Variants in CCDC125 observed in about 807,000 individuals in gnomAD.
CCDC125 encodes coiled-coil domain-containing protein 125.
A neutral mutation model predicts 57.4 loss-of-function variants in CCDC125; 43 were observed. That is an observed-to-expected ratio of 0.75 (90% confidence interval 0.59 to 0.97). The LOEUF is 0.97. Ranked by LOEUF, CCDC125 falls within the 50% of genes least tolerant of loss-of-function variation. The pLI is 0.00. For missense variants in CCDC125, 563 were observed against 595.7 expected (o/e 0.95, Z 0.57); for synonymous variants, 187 against 195.2 (o/e 0.96, Z 0.35).
At chr5:69,302,733 A>C (rs1756690740) in intron 7 of CCDC125, among the ~76,000 whole-genome samples, 1 of 152,126 alleles carries the variant, frequency 6.6e-6, no homozygotes, top group Non-Finnish European at 1.5e-5. Flanking sequence ...CAAAAAAAAA[A>C]AAAGTTAACA....
intron 1 of CCDC125, among the ~76,000 whole-genome samples, chr5:69,325,325 C>CA (rs10689123): frequency 0.41 from 44,443 of 107,708 alleles, 8,941 homozygotes; most frequent in Non-Finnish European, 0.52. Flanking sequence ...GATTCTGTCT[C>CA]AAAAAAAAAA....
intron 3 of CCDC125, among the ~76,000 whole-genome samples, chr5:69,311,409 G>A (rs1758118552): frequency 6.6e-6 from 1 of 152,126 alleles, no homozygotes; most frequent in Admixed American, 6.6e-5. Flanking sequence ...CCTGCATTTT[G>A]GGAGGCCAAG....
At chr5:69,303,286 G>A (rs1246609710) in intron 7 of CCDC125, among the ~76,000 whole-genome samples, 1 of 151,552 alleles carries the variant, frequency 6.6e-6, no homozygotes, top group East Asian at 1.9e-4. Flanking sequence ...CTAAGCTCAA[G>A]TGATCCTCCT....
In CCDC125 at chr5:69,305,773, A is replaced by G. The variant is rs143622931; in HGVS notation, c.617+1044T>C. ...CCTCCCTATCTCCTTTACTCAATAA[A>G]TACGAAGGGTGCTAAAAGCTCAGGA... On this transcript the variant is annotated intron_variant, in intron 6 of 11. Transcript: ENST00000396496. 1.1e-3 allele frequency among the ~76,000 whole-genome samples: 163 copies of G among 152,272 alleles called. 1 individual carries two copies. Among genetic ancestry groups the G allele is most frequent in the African/African-American group, 3.8e-3 (158 of 41,556 alleles).
At chr5:69,317,893 C>T (rs571555358) in intron 2 of CCDC125, among the ~76,000 whole-genome samples, 1 of 151,860 alleles carries the variant, frequency 6.6e-6, no homozygotes, top group African/African-American at 2.4e-5. Flanking sequence ...CATTCTGGTG[C>T]TCAGGCCAAG....
At chr5:69,325,804 A>G (rs1229597877) in intron 1 of CCDC125, among the ~76,000 whole-genome samples, 1 of 141,508 alleles carries the variant, frequency 7.1e-6, no homozygotes, top group African/African-American at 2.6e-5. Flanking sequence ...AACCTGGGTG[A>G]AAAAGCAAAA....
chr5:69,324,124 C>T (rs879814803), intron 1 of CCDC125, among the ~76,000 whole-genome samples: 6 of 151,980 alleles, frequency 3.9e-5, no homozygotes, highest in Admixed American at 3.9e-4. Context: ...ATGTAGACAC[C>T]AAATAAATCT....
chr5:69,300,310 A>G (rs1363212586), intron 7 of CCDC125, among the ~76,000 whole-genome samples, 183 bp from the exon 8 acceptor site: 1 of 152,218 alleles, frequency 6.6e-6, no homozygotes, highest in African/African-American at 2.4e-5. Flanking sequence ...TATATGTAAT[A>G]CTAGATGAGA....
chr5:69,274,053 G>A, the CCDC125 span, among the ~76,000 whole-genome samples: 1 of 152,156 alleles, frequency 6.6e-6, no homozygotes, highest in Non-Finnish European at 1.5e-5. Flanking sequence ...CAAGTAATTT[G>A]TTGCCTTTTC....
rs922355052 is a variant in CCDC125, at chr5:69,312,629, C to T, written c.366+1356G>A. ...GCCGGTGGAAGGAAGTGATAACTTACTTTCTCAAGGAGGAGATAAGAGAAG... is the reference window on the plus strand; with the variant it reads ...GCCGGTGGAAGGAAGTGATAACTTATTTTCTCAAGGAGGAGATAAGAGAAG... On this transcript the variant is annotated intron_variant, in intron 3 of 11. Coordinates refer to ENST00000396496, the MANE Select transcript of CCDC125 (RefSeq NM_176816.5). Among the ~76,000 whole-genome samples, 6 of 152,220 alleles carry T rather than the reference C, an allele frequency of 3.9e-5. 1 individual carries two copies. The South Asian group carries it at 1.2e-3, about 32-fold the overall frequency.
chr5:69,320,786 G>GGTGT lies in CCDC125; in HGVS notation c.-40-210_-40-207dup, dbSNP rs145801965. 2.7e-3 allele frequency among the ~76,000 whole-genome samples: 406 copies of GGTGT among 148,316 alleles called. 1 individual carries two copies. Among genetic ancestry groups the GGTGT allele is most frequent in the South Asian group, 5.6e-3 (26 of 4,680 alleles). On this transcript the variant is annotated intron_variant, in intron 1 of 11. Coordinates refer to ENST00000396496, the MANE Select transcript of CCDC125 (RefSeq NM_176816.5). Reference sequence around the variant, plus strand: ...AACAGGTGAAGAAAATATGGTGTGGGGTGTGTGTGTGTGTGTGTGTGTGCG... The same window carrying GGTGT: ...AACAGGTGAAGAAAATATGGTGTGGGGTGTGTGTGTGTGTGTGTGTGTGTGTGCG...
chr5:69,310,476 T>C, intron 4 of CCDC125: 1 of 158,588 alleles, frequency 6.3e-6, no homozygotes, highest in Non-Finnish European at 1.4e-5. Context: ...ACCATGATTC[T>C]GAGGCCTTCA....
chr5:69,293,348 T>C (rs1005053078), intron 9 of CCDC125, among the ~76,000 whole-genome samples: 1 of 152,132 alleles, frequency 6.6e-6, no homozygotes, highest in Non-Finnish European at 1.5e-5. Flanking sequence ...GGCTTTCCTA[T>C]ATACTTTAAA....
intron 10 of CCDC125, among the ~76,000 whole-genome samples, chr5:69,290,698 T>C (rs1280439090): frequency 1.3e-5 from 2 of 150,354 alleles, no homozygotes; most frequent in Non-Finnish European, 3.0e-5. Flanking sequence ...AGTGCAATCT[T>C]GGCTCACTGC....
chr5:69,282,742 C>A lies in CCDC125; in HGVS notation c.1523G>T (p.Ser508Ile), dbSNP rs559271914. ...TLKRSHSLPS[S>I]IIF Reference sequence around the variant, plus strand: ...ACTGGCTTGTCTTTAAAATATGATACTTGATGGCAAAGAATGGGATCTTTT... The same window carrying A: ...ACTGGCTTGTCTTTAAAATATGATAATTGATGGCAAAGAATGGGATCTTTT... Residue 508 changes from serine to isoleucine, a missense_variant, in exon 12 of 12, where the codon AGT becomes ATT. Coordinates refer to ENST00000396496, the MANE Select transcript of CCDC125 (RefSeq NM_176816.5). The A allele has an allele frequency of 3.1e-6, 5 of 1,590,090 alleles. No homozygotes were observed. In the East Asian group the frequency reaches 1.1e-4, roughly 36 times the overall value.
At chr5:69,305,204 C>T (rs4288083) in intron 6 of CCDC125, among the ~76,000 whole-genome samples, 64,148 of 151,838 alleles carry the variant, frequency 0.42, 13,950 homozygotes, top group Admixed American at 0.46. Context: ...GAATATTATT[C>T]AGTCTTTCTG....
chr5:69,327,005 T>C (rs1760811472), intron 1 of CCDC125, among the ~76,000 whole-genome samples: 1 of 152,044 alleles, frequency 6.6e-6, no homozygotes, highest in African/African-American at 2.4e-5. Flanking sequence ...GCCACTGCAC[T>C]CTAGTCTGGT....
intron 10 of CCDC125, among the ~76,000 whole-genome samples, chr5:69,286,201 T>C (rs1270493702): frequency 2.9e-5 from 2 of 68,404 alleles, no homozygotes; most frequent in South Asian, 1.1e-3. Flanking sequence ...TATATATATA[T>C]ATATATATAT....
chr5:69,294,982 T>C, intron 8 of CCDC125, 82 bp from the exon 9 acceptor site: 1 of 1,148,056 alleles, frequency 8.7e-7, no homozygotes, highest in South Asian at 1.3e-5. Context: ...TTTACACACA[T>C]ACCCATGCAC....
Sources: gnomAD v4.1 joint callset for allele counts (sites outside exome capture counted in the v4.1 genomes callset) on GRCh38, gnomAD v4.1.1 for gene constraint, MANE v1.5 for transcripts, NCBI Gene and HGNC (gene_info 2026-07-23, HGNC 2026-07-21) for gene names.